EIF4G3: variants seen among roughly 807,000 people sequenced by gnomAD.
The protein encoded by EIF4G3 is eIF-4-gamma 3.
A neutral mutation model predicts 186.4 loss-of-function variants in EIF4G3; 34 were observed. The ratio of observed to expected loss-of-function variants is 0.18; its 90% confidence interval spans 0.14 to 0.24. The LOEUF is 0.24. Ranked by LOEUF, EIF4G3 falls within the 10% of genes least tolerant of loss-of-function variation. The pLI, the probability that EIF4G3 is intolerant of heterozygous loss-of-function variation, is 1.00. For synonymous variants in EIF4G3, 673 were observed against 679.5 expected, an observed-to-expected ratio of 0.99 and a Z score of 0.15; for missense variants, 1,536 against 1,948.5, an observed-to-expected ratio of 0.79 and a Z score of 3.99.
intron 4 of EIF4G3, among the ~76,000 whole-genome samples, chr1:21,023,878 G>A (rs1163665702): frequency 3.1e-5 from 4 of 127,868 alleles, no homozygotes; most frequent in Admixed American, 7.7e-5. Context: ...GCCGCCCATC[G>A]TCTGAGATGT....
At position 21,171,170 on chromosome 1, in the gene EIF4G3, G is replaced by T. The variant is rs984373327; in HGVS notation, c.-272+5005C>A. Among the ~76,000 whole-genome samples, 3 of 152,158 alleles carry T rather than the reference G, an allele frequency of 2.0e-5. No individual in the cohort carries two copies. In the East Asian group the frequency reaches 5.8e-4, roughly 29 times the overall value. ...CTTGGGATCCTGCAATATCTCATCC[G>T]TGTAAGTCTCAGCTGCAGTTTATCC... On this transcript the variant is annotated intron_variant, in intron 2 of 36. Coordinates refer to ENST00000602326, the MANE Select transcript of EIF4G3 (RefSeq NM_001391906.1).
rs568835159 is a variant in EIF4G3 at position 21,031,127 on chromosome 1, A to C, written c.-67+19739T>G. On this transcript the variant is annotated intron_variant, in intron 4 of 36. Coordinates refer to ENST00000602326, the MANE Select transcript of EIF4G3 (RefSeq NM_001391906.1). ...CTTGAACCCAGGAGGTGTGGGCCGC[A>C]GTGAGCCAAGATCACACCACTGCAC... Among the ~76,000 whole-genome samples the C allele has an allele frequency of 9.0e-4, 137 of 152,096 alleles. 1 individual carries two copies. The highest frequency in any genetic ancestry group is 3.3e-3 in the African/African-American group (135 of 41,476).
At chr1:21,059,139 T>C (rs1040392937) in intron 3 of EIF4G3, among the ~76,000 whole-genome samples, 2 of 152,156 alleles carry the variant, frequency 1.3e-5, no homozygotes, top group Admixed American at 6.5e-5. Context: ...GCACATGGTT[T>C]ATATGTGTGA....
chr1:21,015,923 C>T (rs1462145954), intron 4 of EIF4G3, among the ~76,000 whole-genome samples: 1 of 152,052 alleles, frequency 6.6e-6, no homozygotes, highest in Non-Finnish European at 1.5e-5. Context: ...ACCAAAGATT[C>T]TTCAAATTGA....
intron 30 of EIF4G3, among the ~76,000 whole-genome samples, chr1:20,834,720 G>T (rs1280903308): frequency 3.3e-5 from 5 of 152,110 alleles, no homozygotes; most frequent in Non-Finnish European, 7.4e-5. Context: ...CCTCAAATTG[G>T]AGTACCTAAA....
intron 14 of EIF4G3, among the ~76,000 whole-genome samples, chr1:20,907,274 C>A (rs1263200862): frequency 6.6e-6 from 1 of 152,012 alleles, no homozygotes; most frequent in Non-Finnish European, 1.5e-5. Context: ...CCTGGACTCC[C>A]CCACCTAAGA....
At chr1:21,028,441 C>T (rs2092400460) in intron 4 of EIF4G3, among the ~76,000 whole-genome samples, 1 of 152,136 alleles carries the variant, frequency 6.6e-6, no homozygotes, top group South Asian at 2.1e-4. Flanking sequence ...CAAATATCTA[C>T]TTATACAAAA....
At chr1:21,118,721 G>A (rs896663506) in intron 2 of EIF4G3, among the ~76,000 whole-genome samples, 3 of 151,546 alleles carry the variant, frequency 2.0e-5, no homozygotes, top group Admixed American at 6.6e-5. Flanking sequence ...GGGAGACAGC[G>A]GTTGCAGTGA....
chr1:20,949,805 A>C (rs563397926), intron 13 of EIF4G3, among the ~76,000 whole-genome samples, 198 bp downstream of exon 13: 16 of 152,220 alleles, frequency 1.1e-4, no homozygotes, highest in Non-Finnish European at 2.1e-4. Context: ...AAACAAATGT[A>C]TGAAATAATT....
chr1:21,062,545 C>T (rs1321989205), intron 3 of EIF4G3, among the ~76,000 whole-genome samples: 5 of 152,106 alleles, frequency 3.3e-5, no homozygotes, highest in Non-Finnish European at 7.3e-5. Flanking sequence ...ACGGAGAAGA[C>T]GTAAGCAGTA....
chr1:20,825,844 G>A (rs925851380), intron 32 of EIF4G3, among the ~76,000 whole-genome samples: 5 of 152,322 alleles, frequency 3.3e-5, no homozygotes, highest in African/African-American at 1.2e-4. Flanking sequence ...AGGGCAAGAA[G>A]CACAAGGTTG....
At chr1:20,874,265 T>TA (rs1396588736) in intron 20 of EIF4G3, among the ~76,000 whole-genome samples, 2 of 152,170 alleles carry the variant, frequency 1.3e-5, no homozygotes, top group African/African-American at 4.8e-5. Flanking sequence ...GGAATCGTCA[T>TA]ACTGTTGAAC....
intron 14 of EIF4G3, among the ~76,000 whole-genome samples, chr1:20,905,563 T>G (rs954757591): frequency 7.2e-5 from 11 of 152,228 alleles, no homozygotes; most frequent in Non-Finnish European, 1.5e-4. Context: ...ATTGATAGAG[T>G]GAAAACTAAG....
At position 20,950,086 on chromosome 1, in the gene EIF4G3, T is replaced by C. The variant is rs182718981; in HGVS notation, c.740A>G (p.His247Arg). The C allele has an allele frequency of 2.5e-6, 4 of 1,598,800 alleles. No individual in the cohort carries two copies. Among genetic ancestry groups the C allele is most frequent in the East Asian group, 2.3e-5 (1 of 44,422 alleles). ...CACAGTCCCATAAACCACAGGGCTG[T>C]GCTCGGGGACCTGGCTGGGCAGCTG... ...PQQLPSQVPE[H>R]SPVVYGTVES... Residue 247 changes from histidine to arginine, a missense_variant, in exon 13 of 37, where the codon CAC (histidine) becomes CGC (arginine). Around this residue, in one of 11 missense-constraint regions of EIF4G3, gnomAD observed 560 missense variants for 547.8 expected, o/e 1.02. Transcript: ENST00000602326.
intron 3 of EIF4G3, among the ~76,000 whole-genome samples, chr1:21,085,322 C>CT (rs1179599534): frequency 6.6e-6 from 1 of 152,082 alleles, no homozygotes; most frequent in African/African-American, 2.4e-5. Context: ...TGATGCTGTT[C>CT]TTTTGCATAG....
At chr1:20,985,266 A>G (rs1255912527) in intron 7 of EIF4G3, among the ~76,000 whole-genome samples, 1 of 152,192 alleles carries the variant, frequency 6.6e-6, no homozygotes, top group East Asian at 1.9e-4. Flanking sequence ...TCACGAAAAC[A>G]AATTTCTTCT....
At chr1:20,956,799 G>T (rs186744108) in intron 12 of EIF4G3, among the ~76,000 whole-genome samples, 1 of 151,950 alleles carries the variant, frequency 6.6e-6, no homozygotes, top group Non-Finnish European at 1.5e-5. Flanking sequence ...CAGAGACAGG[G>T]TATCGATATG....
At chr1:20,967,852 G>C (rs2075035394) in intron 12 of EIF4G3, among the ~76,000 whole-genome samples, 1 of 152,052 alleles carries the variant, frequency 6.6e-6, no homozygotes, top group South Asian at 2.1e-4. Context: ...CTGTAAACTG[G>C]GCTCCAAGGA....
chr1:20,825,711 C>G (rs1430819891), intron 32 of EIF4G3, among the ~76,000 whole-genome samples: 2 of 152,132 alleles, frequency 1.3e-5, no homozygotes, highest in Non-Finnish European at 2.9e-5. Context: ...TATGTATCTG[C>G]TATTAAAGCC....
Sources: allele counts gnomAD v4.1 joint callset (sites outside exome capture counted in the v4.1 genomes callset), GRCh38; gene constraint gnomAD v4.1.1; regional missense constraint gnomAD v4.1.1; transcripts MANE v1.5; gene names NCBI Gene and HGNC (gene_info 2026-07-23, HGNC 2026-07-21).